Variants in CGAS observed in about 807,000 individuals in gnomAD.
CGAS encodes the protein 2'3'-cGAMP synthase.
A neutral mutation model predicts 34.0 loss-of-function variants in CGAS; 31 were observed. That is an observed-to-expected ratio of 0.91 (90% CI 0.69 to 1.23). The LOEUF is 1.23. Ranked by LOEUF, CGAS falls within the 50% of genes most tolerant of loss-of-function variation. CGAS has a pLI of 0.00. For synonymous variants in CGAS, 266 were observed against 260.0 expected (o/e 1.02, Z -0.22); for missense variants, 597 against 657.6 (o/e 0.91, Z 1.01).
chr6:73,429,653 T>C (rs190266847), intron 3 of CGAS, among the ~76,000 whole-genome samples: 3,652 of 106,540 alleles, frequency 0.034, 111 homozygotes, highest in African/African-American at 0.077. Flanking sequence ...AGTGAAACCC[T>C]GCCTCTACCA....
At chr6:73,427,218 C>T (rs963962348) in intron 4 of CGAS, among the ~76,000 whole-genome samples, 1 of 151,848 alleles carries the variant, frequency 6.6e-6, no homozygotes. Context: ...TCTGTGCCTG[C>T]ATGTTGGGCA....
At chr6:73,450,453 A>G (rs1302416998) in intron 1 of CGAS, among the ~76,000 whole-genome samples, 1 of 152,012 alleles carries the variant, frequency 6.6e-6, no homozygotes, top group Non-Finnish European at 1.5e-5. Flanking sequence ...AAAAAGAAAA[A>G]GAAACAAATC....
At chr6:73,442,559 C>G (rs561287463) in intron 2 of CGAS, among the ~76,000 whole-genome samples, 1 of 151,728 alleles carries the variant, frequency 6.6e-6, no homozygotes, top group East Asian at 1.9e-4. Context: ...TGCCACCACT[C>G]CTGGCTAATT....
chr6:73,435,747 T>C (rs1293761623), intron 3 of CGAS, among the ~76,000 whole-genome samples: 1 of 145,690 alleles, frequency 6.9e-6, no homozygotes, highest in Non-Finnish European at 1.5e-5. Context: ...GAGACCAGCC[T>C]GGGCAACATA....
At chr6:73,426,841 T>C (rs1582648160) in intron 4 of CGAS, among the ~76,000 whole-genome samples, 1 of 146,206 alleles carries the variant, frequency 6.8e-6, no homozygotes, top group South Asian at 2.1e-4. Context: ...ACAATATTTC[T>C]TTTTTTTTTT....
chr6:73,445,864 T>C (rs2150816058), intron 1 of CGAS, 117 bp from the exon 2 acceptor site: 1 of 713,806 alleles, frequency 1.4e-6, no homozygotes, highest in East Asian at 2.7e-5. Context: ...ATTCATAATG[T>C]CTATATATAC....
At position 73,452,017 on chromosome 6, in the gene CGAS, C is replaced by G. The variant is rs34985291; in HGVS notation, c.165G>C (p.Arg55Ser). 6 of 1,483,380 alleles carry G rather than the reference C, an allele frequency of 4.0e-6. No individual in the cohort carries two copies. In the African/African-American group the frequency reaches 8.5e-5, roughly 21 times the overall value. The allele number at this position is 1,483,380 out of a possible 1,614,324, so 91.9% of individuals were successfully genotyped here. The change falls in exon 1 of 5, where the codon AGG (arginine) becomes AGC (serine). Residue 55 changes from arginine to serine, a missense_variant. Transcript: ENST00000370315. ...TCTTTTTCTGCCGGGATCCCGACTT[C>G]CTGGCGGGGCCGAACTTTCCCGCCT... is the stretch of plus-strand genomic sequence containing the variant. ...LPKAGKFGPA[R>S]KSGSRQKKSA...
chr6:73,450,741 CA>C (rs2150019310), intron 1 of CGAS, among the ~76,000 whole-genome samples: 1 of 152,204 alleles, frequency 6.6e-6, no homozygotes, highest in South Asian at 2.1e-4. Context: ...GTAATCCCAG[CA>C]CTTTGAGAGG....
rs146542446 is a variant in CGAS at position 73,430,060 on chromosome 6, A to G, written c.1115-1249T>C. Among the ~76,000 whole-genome samples, 608 of 152,250 alleles carry G rather than the reference A, an allele frequency of 4.0e-3. 5 individuals carry two copies. Among genetic ancestry groups the G allele is most frequent in the African/African-American group, 0.014 (579 of 41,550 alleles). On this transcript the variant is annotated intron_variant, in intron 3 of 4. Transcript: ENST00000370315. ...AAAATCCTATAGTCGTTCATCATTAAAAAAACACCTCTTAGCAATCTAAGT... is the reference window on the plus strand; with the variant it reads ...AAAATCCTATAGTCGTTCATCATTAGAAAAACACCTCTTAGCAATCTAAGT...
At chr6:73,439,487 A>G (rs1027149779) in intron 3 of CGAS, among the ~76,000 whole-genome samples, 2 of 151,312 alleles carry the variant, frequency 1.3e-5, no homozygotes, top group African/African-American at 4.8e-5. Context: ...GTCTCAGGAA[A>G]AAAAAAAAAA....
At chr6:73,442,887 A>G (rs1350398629) in intron 2 of CGAS, among the ~76,000 whole-genome samples, 1 of 151,430 alleles carries the variant, frequency 6.6e-6, no homozygotes, top group East Asian at 1.9e-4. Flanking sequence ...ATGAGCCACC[A>G]TACCTGGCCT....
rs144519687 is a variant in CGAS at position 73,449,476 on chromosome 6, A to AACACACACACACACAC, written c.657+2033_657+2048dup. Among the ~76,000 whole-genome samples, 1,280 of 142,878 alleles carry AACACACACACACACAC rather than the reference A, an allele frequency of 9.0e-3. 15 individuals are homozygous for AACACACACACACACAC. The highest frequency in any genetic ancestry group is 0.03 in the East Asian group (136 of 4,606). 93.7% of individuals were successfully genotyped at this position (142,878 alleles called of 152,430 possible). On this transcript the variant is annotated intron_variant, in intron 1 of 4. Coordinates refer to ENST00000370315, the MANE Select transcript of CGAS (RefSeq NM_138441.3). The stretch of plus-strand genomic sequence containing the variant: ...GGTGACAGAGTGAGACTCTGTCTCA[A>AACACACACACACACAC]ACACACACACACACACACACACACA...
intron 4 of CGAS, among the ~76,000 whole-genome samples, chr6:73,426,362 A>AAAATG (rs1770088656): frequency 6.6e-6 from 1 of 151,672 alleles, no homozygotes; most frequent in Admixed American, 6.6e-5. Flanking sequence ...AAAATAAAAT[A>AAAATG]AAATAAAATA....
chr6:73,450,710 C>T (rs1770550091), intron 1 of CGAS, among the ~76,000 whole-genome samples: 2 of 152,062 alleles, frequency 1.3e-5, no homozygotes, highest in South Asian at 2.1e-4. Context: ...GACAGACGGC[C>T]GGGCGCGGTA....
chr6:73,440,937 T>C (rs1770368293), intron 2 of CGAS, among the ~76,000 whole-genome samples: 2 of 151,602 alleles, frequency 1.3e-5, no homozygotes, highest in South Asian at 4.2e-4. Context: ...AAAAACACAA[T>C]AATTACTGAT....
chr6:73,439,157 T>C (rs2150813432), intron 3 of CGAS, among the ~76,000 whole-genome samples: 1 of 152,132 alleles, frequency 6.6e-6, no homozygotes, highest in East Asian at 1.9e-4. Flanking sequence ...TTCCCTGGAA[T>C]CCAATAGTAG....
intron 2 of CGAS, among the ~76,000 whole-genome samples, chr6:73,444,761 G>C (rs780326490): frequency 2.0e-5 from 3 of 152,184 alleles, no homozygotes; most frequent in Non-Finnish European, 2.9e-5. Flanking sequence ...TAATAGTTCA[G>C]GTAAAAGATG....
chr6:73,427,502 G>A (rs1770109108), intron 4 of CGAS, among the ~76,000 whole-genome samples: 1 of 151,824 alleles, frequency 6.6e-6, no homozygotes, highest in Non-Finnish European at 1.5e-5. Context: ...GTTTCGCCAC[G>A]TAGGCCAGGC....
At chr6:73,438,110 T>C (rs1770308654) in intron 3 of CGAS, among the ~76,000 whole-genome samples, 1 of 152,108 alleles carries the variant, frequency 6.6e-6, no homozygotes, top group Non-Finnish European at 1.5e-5. Flanking sequence ...AAAAACATAA[T>C]ATTTTTAAAA....
Sources: gnomAD v4.1 joint callset for allele counts (sites outside exome capture counted in the v4.1 genomes callset) on GRCh38, gnomAD v4.1.1 for gene constraint, MANE v1.5 for transcripts, NCBI Gene and HGNC (gene_info 2026-07-23, HGNC 2026-07-21) for gene names.